Variants in RPS6KA5 observed in about 807,000 individuals in gnomAD.
RPS6KA5 encodes the protein ribosomal protein S6 kinase alpha-5.
A neutral mutation model predicts 85.5 loss-of-function variants in RPS6KA5; 27 were observed. The ratio of observed to expected loss-of-function variants is 0.32; its 90% CI spans 0.23 to 0.44. RPS6KA5 has a LOEUF of 0.44. RPS6KA5 is among the 20% of genes least tolerant of loss of function. The pLI, the probability that RPS6KA5 is intolerant of heterozygous loss-of-function variation, is 1.00. For missense variants in RPS6KA5, 811 were observed against 980.9 expected (o/e 0.83, Z 2.31); for synonymous variants, 334 against 348.2 (o/e 0.96, Z 0.46).
At chr14:91,044,365 G>C (rs1194760381) in intron 1 of RPS6KA5, among the ~76,000 whole-genome samples, 2 of 13,314 alleles carry the variant, frequency 1.5e-4, no homozygotes, top group Non-Finnish European at 1.7e-4. Context: ...GAAAGAAAGA[G>C]AAAGAAAGAA....
At chr14:91,008,164 GCA>G (rs1487542206) in intron 1 of RPS6KA5, among the ~76,000 whole-genome samples, 1 of 152,200 alleles carries the variant, frequency 6.6e-6, no homozygotes, top group African/African-American at 2.4e-5. Context: ...AAATGTAATT[GCA>G]CAGAGCATGT....
intron 1 of RPS6KA5, among the ~76,000 whole-genome samples, chr14:91,019,982 C>T (rs1323215473): frequency 6.6e-6 from 1 of 152,204 alleles, no homozygotes; most frequent in East Asian, 1.9e-4. Context: ...CCTATTGCTC[C>T]TGGGCTACAA....
In RPS6KA5 at chr14:90,890,692, A is replaced by G. The variant is rs916316817; in HGVS notation, c.1645-14T>C. The G allele has an allele frequency of 6.2e-7, 1 of 1,603,164 alleles. No homozygotes were observed. Among genetic ancestry groups the G allele is most frequent in the Non-Finnish European group, 8.5e-7 (1 of 1,171,204 alleles). On this transcript the variant is annotated splice_polypyrimidine_tract_variant and intron_variant, in intron 13 of 16. Transcript: ENST00000614987. ...GAACAATAAATTCTGCAAGATATCA[A>G]TGCTTACATTAGTTTCTCACTAGGC...
At chr14:90,962,056 A>G (rs1210881895) in intron 3 of RPS6KA5, among the ~76,000 whole-genome samples, 1 of 152,188 alleles carries the variant, frequency 6.6e-6, no homozygotes, top group Admixed American at 6.5e-5. Flanking sequence ...CATATGATCA[A>G]TACATCTCTC....
At chr14:90,937,941 T>C (rs552603526) in intron 5 of RPS6KA5, among the ~76,000 whole-genome samples, 39 of 152,322 alleles carry the variant, frequency 2.6e-4, no homozygotes, top group African/African-American at 8.7e-4. Flanking sequence ...AAGCCAATCA[T>C]GCCTTCCCAT....
rs886893947 is a variant in RPS6KA5 at position 90,995,990 on chromosome 14, G to C, written c.175+5098C>G. Among the ~76,000 whole-genome samples the C allele has an allele frequency of 2.0e-5, 3 of 152,134 alleles. No individual in the cohort carries two copies. The East Asian group carries it at 5.8e-4, about 29-fold the overall frequency. On this transcript the variant is annotated intron_variant, in intron 2 of 16. Coordinates refer to ENST00000614987, the MANE Select transcript of RPS6KA5 (RefSeq NM_004755.4). ...AGTCTCAGCTACTCACGAGGTGGAA[G>C]TGAAAGGACTGCTTGAGCCCAGAAG...
Position 90,865,002 on chromosome 14 carries a change from T to C in RPS6KA5, c.*7072A>G, listed in dbSNP as rs950659539. ...ACCATTGTTGAAAACCATTTGGTAA[T>C]ATCTTCTACAGCTAAATATATATTC... On this transcript the variant is annotated 3_prime_UTR_variant, in exon 17 of 17. Transcript: ENST00000614987. 6.6e-6 allele frequency: 1 copy of C among 152,230 alleles called. No individual in the cohort carries two copies. Among genetic ancestry groups the C allele is most frequent in the Middle Eastern group, 3.2e-3 (1 of 316 alleles). The allele number at this position is 152,230 out of a possible 1,614,324, so 9.4% of individuals were successfully genotyped here.
chr14:90,963,499 C>T (rs2140428043), intron 3 of RPS6KA5, among the ~76,000 whole-genome samples: 1 of 152,316 alleles, frequency 6.6e-6, no homozygotes. Context: ...TTTCCAACTC[C>T]ATCATTCCTC....
Position 90,890,484 on chromosome 14 carries a change from C to A in RPS6KA5, c.1836+3G>T. ...TTTAATGACTGTATTGAAAAGAACT[C>A]ACCAAAATGACGCCCAAGCTCCACA... On this transcript the variant is annotated splice_donor_region_variant and intron_variant, in intron 14 of 16. Transcript: ENST00000614987. The A allele has an allele frequency of 6.2e-7, 1 of 1,601,104 alleles. No individual in the cohort carries two copies. The highest frequency in any genetic ancestry group is 8.5e-7 in the Non-Finnish European group (1 of 1,173,528).
intron 3 of RPS6KA5, among the ~76,000 whole-genome samples, chr14:90,949,171 TAC>T (rs2038038102): frequency 6.6e-6 from 1 of 152,232 alleles, no homozygotes; most frequent in Admixed American, 6.5e-5. Context: ...TACCTTATTT[TAC>T]TTAAAAACTC....
At chr14:90,962,618 G>A (rs534449970) in intron 3 of RPS6KA5, among the ~76,000 whole-genome samples, 29 of 150,020 alleles carry the variant, frequency 1.9e-4, no homozygotes, top group African/African-American at 6.9e-4. Flanking sequence ...ATAGGGTCTC[G>A]CTCTGTTGCC....
At chr14:90,975,699 G>GTA (rs1440773128) in intron 3 of RPS6KA5, among the ~76,000 whole-genome samples, 1 of 152,198 alleles carries the variant, frequency 6.6e-6, no homozygotes, top group Non-Finnish European at 1.5e-5. Flanking sequence ...GGGACCAAGT[G>GTA]TATAGCACGA....
At chr14:90,947,387 T>G in intron 4 of RPS6KA5, 48 bp downstream of exon 4, 1 of 991,958 alleles carries the variant, frequency 1.0e-6, no homozygotes. Context: ...CATTATTACC[T>G]TAGTTAACAG....
At chr14:91,051,110 A>G (rs1208876208) in intron 1 of RPS6KA5, among the ~76,000 whole-genome samples, 1 of 151,914 alleles carries the variant, frequency 6.6e-6, no homozygotes, top group East Asian at 1.9e-4. Flanking sequence ...GTGGTGGCAC[A>G]CACTTGTAGT....
In RPS6KA5 at chr14:90,947,531, T is replaced by C. The variant is rs1358863784; in HGVS notation, c.414A>G (p.Glu138=). The C allele has an allele frequency of 1.9e-6, 3 of 1,591,230 alleles. No homozygotes were observed. The highest frequency in any genetic ancestry group is 2.6e-6 in the Non-Finnish European group (3 of 1,159,778). The change falls in exon 4 of 17, where the codon GAA becomes GAG. Residue 138 remains glutamate, a synonymous_variant. Coordinates refer to ENST00000614987, the MANE Select transcript of RPS6KA5 (RefSeq NM_004755.4). The part of the protein sequence containing the change: ...HLILDYINGG[E]LFTHLSQRER... Reference sequence around the variant, plus strand: ...CTCTTTGAGAAAGATGAGTAAAAAGTTCACCACCATTTATATAATCTAAAA... The same window carrying C: ...CTCTTTGAGAAAGATGAGTAAAAAGCTCACCACCATTTATATAATCTAAAA...
rs1341596768 is a variant in RPS6KA5, at chr14:90,856,709, CCATT to C, written c.*15361_*15364del. 4 of 152,262 alleles carry C rather than the reference CCATT, an allele frequency of 2.6e-5. No individual in the cohort carries two copies. The highest frequency in any genetic ancestry group is 2.0e-4 in the Admixed American group (3 of 15,282). The allele number at this position is 152,262 out of a possible 1,614,324, so 9.4% of individuals were successfully genotyped here. On this transcript the variant is annotated 3_prime_UTR_variant, in exon 17 of 17. Coordinates refer to ENST00000614987, the MANE Select transcript of RPS6KA5 (RefSeq NM_004755.4). ...TAAGATAAAATTCATTTTAAGTGTA[CCATT>C]CATTGTTTTTTACTACATTTACAAT...
chr14:90,942,109 T>A (rs569678249), intron 5 of RPS6KA5, among the ~76,000 whole-genome samples: 2 of 152,294 alleles, frequency 1.3e-5, no homozygotes, highest in South Asian at 4.1e-4. Context: ...GTAGAGGGGA[T>A]AAATAAATAT....
At chr14:90,876,780 G>T (rs1173286755) in intron 14 of RPS6KA5, among the ~76,000 whole-genome samples, 1 of 152,216 alleles carries the variant, frequency 6.6e-6, no homozygotes, top group East Asian at 1.9e-4. Context: ...ACTTAGGAAG[G>T]GACATGGAGG....
intron 8 of RPS6KA5, among the ~76,000 whole-genome samples, chr14:90,904,246 A>G (rs2035378566): frequency 1.3e-5 from 2 of 152,214 alleles, no homozygotes; most frequent in Admixed American, 1.3e-4. Context: ...AAAAGAAAAC[A>G]AACAAAAAAC....
Sources: gnomAD v4.1 joint callset for allele counts (sites outside exome capture counted in the v4.1 genomes callset) on GRCh38, gnomAD v4.1.1 for gene constraint, MANE v1.5 for transcripts, NCBI Gene and HGNC (gene_info 2026-07-23, HGNC 2026-07-21) for gene names.